Variants in FARP1 observed in about 807,000 individuals in gnomAD.
FARP1 encodes the protein FERM, ARHGEF and pleckstrin domain-containing protein 1.
A neutral mutation model predicts 128.8 loss-of-function variants in FARP1; 52 were observed. The ratio of observed to expected loss-of-function variants is 0.40; its 90% confidence interval spans 0.32 to 0.51. The LOEUF (loss-of-function observed/expected upper bound fraction) is 0.51. Ranked by LOEUF, FARP1 falls within the 20% of genes least tolerant of loss-of-function variation. The pLI is 0.45. For synonymous variants in FARP1, 580 were observed against 551.8 expected (o/e 1.05, Z -0.72); for missense variants, 1,333 against 1,367.9 (o/e 0.97, Z 0.40).
intron 2 of FARP1, among the ~76,000 whole-genome samples, chr13:98,262,647 A>G (rs1883937643): frequency 6.6e-6 from 1 of 152,240 alleles, no homozygotes; most frequent in South Asian, 2.1e-4. Flanking sequence ...CCGAATGGTC[A>G]TATTCACTAG....
intron 3 of FARP1, among the ~76,000 whole-genome samples, chr13:98,358,071 G>GTTT (rs1261668721): frequency 2.2e-5 from 3 of 137,156 alleles, no homozygotes; most frequent in Admixed American, 7.4e-5. Flanking sequence ...ATACATTTCT[G>GTTT]TTTTTTTTTT....
intron 5 of FARP1, among the ~76,000 whole-genome samples, chr13:98,371,855 G>A (rs982758346): frequency 6.6e-6 from 1 of 152,132 alleles, no homozygotes; most frequent in Non-Finnish European, 1.5e-5. Flanking sequence ...AATGCTTTGG[G>A]CCTCCAGGAA....
intron 2 of FARP1, among the ~76,000 whole-genome samples, chr13:98,296,543 T>TC (rs1566845898): frequency 6.6e-6 from 1 of 151,652 alleles, no homozygotes; most frequent in Non-Finnish European, 1.5e-5. Context: ...CATCCTCCAC[T>TC]CCTAGCACAG....
chr13:98,245,998 A>C (rs1455265490), intron 2 of FARP1, among the ~76,000 whole-genome samples: 1 of 151,488 alleles, frequency 6.6e-6, no homozygotes, highest in Non-Finnish European at 1.5e-5. Context: ...GCTGGTCTCG[A>C]ATTCATGAGC....
intron 2 of FARP1, among the ~76,000 whole-genome samples, chr13:98,339,951 C>A (rs377325776): frequency 6.6e-6 from 1 of 152,166 alleles, no homozygotes; most frequent in African/African-American, 2.4e-5. Context: ...ATATTGTATG[C>A]ACTCCATACA....
chr13:98,186,991 CAAAAAAAAAAAAAA>C (rs33992037), intron 1 of FARP1, among the ~76,000 whole-genome samples: 2 of 47,834 alleles, frequency 4.2e-5, no homozygotes, highest in South Asian at 1.2e-3. Flanking sequence ...GATTCTGTCT[CAAAAAAAAAAAAAA>C]AAAAAAAAAA....
intron 2 of FARP1, among the ~76,000 whole-genome samples, chr13:98,308,297 T>C (rs1886275073): frequency 6.6e-6 from 1 of 152,156 alleles, no homozygotes; most frequent in African/African-American, 2.4e-5. Flanking sequence ...GTGAATCGAT[T>C]TCAAGGTCAC....
chr13:98,271,327 A>G (rs1484745421), intron 2 of FARP1, among the ~76,000 whole-genome samples: 1 of 152,184 alleles, frequency 6.6e-6, no homozygotes, highest in African/African-American at 2.4e-5. Context: ...GTCATTTGCT[A>G]AATGCTCCTC....
At chr13:98,196,746 T>G (rs1484748271) in intron 1 of FARP1, among the ~76,000 whole-genome samples, 1 of 152,216 alleles carries the variant, frequency 6.6e-6, no homozygotes, top group African/African-American at 2.4e-5. Context: ...TTCAGCAATC[T>G]GCAGCAACAA....
At chr13:98,258,924 A>G (rs1883740603) in intron 2 of FARP1, among the ~76,000 whole-genome samples, 2 of 152,144 alleles carry the variant, frequency 1.3e-5, no homozygotes, top group African/African-American at 4.8e-5. Flanking sequence ...AAAAATCATC[A>G]GGGCTGGGCC....
intron 1 of FARP1, among the ~76,000 whole-genome samples, chr13:98,174,561 G>A (rs1877863171): frequency 6.6e-6 from 1 of 152,150 alleles, no homozygotes; most frequent in African/African-American, 2.4e-5. Context: ...CTTAGGGGTA[G>A]GGCCCAGTAA....
intron 3 of FARP1, 77 bp downstream of exon 3, chr13:98,343,943 A>G: frequency 1.1e-6 from 1 of 936,382 alleles, no homozygotes; most frequent in South Asian, 1.3e-5. Flanking sequence ...GCCAGTCTAA[A>G]TGATTGTGAG....
chr13:98,158,467 C>G (rs557832321), intron 1 of FARP1, among the ~76,000 whole-genome samples: 1 of 152,286 alleles, frequency 6.6e-6, no homozygotes, highest in African/African-American at 2.4e-5. Flanking sequence ...GAGACATGGT[C>G]TTCTTGGGGA....
intron 2 of FARP1, chr13:98,338,656 T>TA (rs1420721086): frequency 1.3e-5 from 2 of 152,230 alleles, no homozygotes; most frequent in African/African-American, 4.8e-5. Context: ...TCAGTTATTT[T>TA]CGTTGTATAC....
At chr13:98,338,369 T>C (rs1887826782) in intron 2 of FARP1, 2 of 152,330 alleles carry the variant, frequency 1.3e-5, no homozygotes, top group South Asian at 4.1e-4. Context: ...TCTTTATGAA[T>C]TTGCCTGCTC....
At chr13:98,379,203 A>AATC (rs1889788107) in intron 6 of FARP1, among the ~76,000 whole-genome samples, 2 of 123,672 alleles carry the variant, frequency 1.6e-5, no homozygotes, top group East Asian at 2.1e-4. Context: ...TATAATATAT[A>AATC]TATAATATAT....
chr13:98,437,166 T>C (rs1442974765), intron 19 of FARP1, among the ~76,000 whole-genome samples: 1 of 152,238 alleles, frequency 6.6e-6, no homozygotes, highest in African/African-American at 2.4e-5. Context: ...AGCCATAGAA[T>C]AGTGGCATTA....
chr13:98,356,217 C>T (rs1187002228), intron 3 of FARP1, among the ~76,000 whole-genome samples: 1 of 152,108 alleles, frequency 6.6e-6, no homozygotes, highest in African/African-American at 2.4e-5. Flanking sequence ...TACAGTCATG[C>T]GTCACTTAAC....
rs561074430 is a variant in FARP1, at chr13:98,179,789, A to G, written c.-23-33431A>G. ...GGAGAATGGCGTGAACCCGGGAGGC[A>G]GAGCTTACAGTGAGCCGAGATCAAG... On this transcript the variant is annotated intron_variant, in intron 1 of 26. Coordinates refer to ENST00000319562, the MANE Select transcript of FARP1 (RefSeq NM_005766.4). Among the ~76,000 whole-genome samples, 3 of 152,234 alleles carry G rather than the reference A, an allele frequency of 2.0e-5. No homozygotes were observed. The East Asian group carries it at 5.8e-4, about 29-fold the overall frequency.
Sources: allele counts gnomAD v4.1 joint callset (sites outside exome capture counted in the v4.1 genomes callset), GRCh38; gene constraint gnomAD v4.1.1; transcripts MANE v1.5; gene names NCBI Gene and HGNC (gene_info 2026-07-23, HGNC 2026-07-21).